Variants in UNC13B observed in about 807,000 individuals in gnomAD.
UNC13B encodes protein unc-13 homolog B.
Under a neutral mutation model 211.0 loss-of-function variants are expected in UNC13B, and 144 were observed. The observed-to-expected ratio is 0.68, with a 90% CI of 0.60 to 0.78. UNC13B has a LOEUF of 0.78. Ranked by LOEUF, UNC13B falls within the 30% of genes least tolerant of loss-of-function variation. UNC13B has a pLI of 0.00. For missense variants in UNC13B, 1,777 were observed against 2,002.0 expected, an observed-to-expected ratio of 0.89 and a Z score of 2.14; for synonymous variants, 709 against 725.8, an observed-to-expected ratio of 0.98 and a Z score of 0.37.
At chr9:35,327,114 T>C (rs968016400) in intron 11 of UNC13B, among the ~76,000 whole-genome samples, 2 of 152,184 alleles carry the variant, frequency 1.3e-5, no homozygotes, top group African/African-American at 2.4e-5. Context: ...TCTGGGGAAA[T>C]TGGCCACAGC....
chr9:35,381,398 G>A (rs1834826369), intron 19 of UNC13B, among the ~76,000 whole-genome samples, 158 bp from the exon 20 acceptor site: 2 of 152,210 alleles, frequency 1.3e-5, no homozygotes, highest in Admixed American at 1.3e-4. Context: ...ACTAATGTGA[G>A]AACAGCCTAC....
At chr9:35,266,588 C>G (rs977994069) in intron 7 of UNC13B, among the ~76,000 whole-genome samples, 2 of 152,120 alleles carry the variant, frequency 1.3e-5, no homozygotes, top group African/African-American at 4.8e-5. Context: ...GTTACTCTAG[C>G]CCCAGTTATT....
chr9:35,230,716 T>C (rs1825151571), intron 2 of UNC13B, among the ~76,000 whole-genome samples: 2 of 152,074 alleles, frequency 1.3e-5, no homozygotes, highest in African/African-American at 2.4e-5. Context: ...TTTGGATTTT[T>C]CCCCCCAGAT....
rs1587564967 is a variant in UNC13B, at chr9:35,297,561, T to TTTTG, written c.761+1634_761+1635insGTTT. Among the ~76,000 whole-genome samples, 2 of 128,164 alleles carry TTTTG rather than the reference T, an allele frequency of 1.6e-5. 1 individual carries two copies. Among genetic ancestry groups the TTTTG allele is most frequent in the East Asian group, 4.2e-4 (2 of 4,762 alleles). 84.1% of individuals were successfully genotyped at this position (128,164 alleles called of 152,430 possible). ...ACATACTTTGTCTTTTTTTTTTTTTTTTTTTTGAGACGGAGTCTCGCTCTT... is the reference window on the plus strand; with the variant it reads ...ACATACTTTGTCTTTTTTTTTTTTTTTTTGTTTTTTGAGACGGAGTCTCGCTCTT... On this transcript the variant is annotated intron_variant, in intron 8 of 39. Coordinates refer to ENST00000635942, the MANE Select transcript of UNC13B (RefSeq NM_001371189.2).
intron 7 of UNC13B, among the ~76,000 whole-genome samples, chr9:35,287,073 T>C (rs1349115887): frequency 6.6e-6 from 1 of 152,156 alleles, no homozygotes; most frequent in Non-Finnish European, 1.5e-5. Context: ...GAACTTGTTA[T>C]AAGTTATCAT....
intron 1 of UNC13B, among the ~76,000 whole-genome samples, chr9:35,218,106 C>G (rs1238076050): frequency 6.6e-6 from 1 of 151,968 alleles, no homozygotes; most frequent in African/African-American, 2.4e-5. Context: ...TTTTTACTTT[C>G]TATTATATAT....
chr9:35,393,289 G>A (rs1382774635), intron 26 of UNC13B, among the ~76,000 whole-genome samples: 1 of 152,146 alleles, frequency 6.6e-6, no homozygotes, highest in African/African-American at 2.4e-5. Context: ...CTTCCTGGAG[G>A]AGGTGATGTA....
chr9:35,314,477 T>A (rs2131878327), intron 11 of UNC13B, among the ~76,000 whole-genome samples: 1 of 152,286 alleles, frequency 6.6e-6, no homozygotes, highest in Non-Finnish European at 1.5e-5. Flanking sequence ...TATTTTTCAT[T>A]TTCAGTGTTA....
chr9:35,230,845 T>G (rs1440638151), intron 2 of UNC13B, among the ~76,000 whole-genome samples: 1 of 152,168 alleles, frequency 6.6e-6, no homozygotes, highest in Non-Finnish European at 1.5e-5. Flanking sequence ...TGTTTCAGTT[T>G]GAGTGTGTGT....
In UNC13B at chr9:35,382,404, C is replaced by T; in HGVS notation, c.10703C>T (p.Ala3568Val). The change falls in exon 21 of 40, where the codon GCA becomes GTA. Residue 3568 changes from alanine (A) to valine (V), a missense_variant. Ala to Val is a moderately conservative substitution (Grantham distance 64). Transcript: ENST00000635942. ...AAGTACATGTGTCCTGGTGTGCCAG[C>T]AGTGATGAGCACCTTACTGGCCAAC... ...SSKYMCPGVP[A>V]VMSTLLANIN... 1 of 1,614,068 alleles carries T rather than the reference C, an allele frequency of 6.2e-7. No homozygotes were observed. The highest frequency in any genetic ancestry group is 8.5e-7 in the Non-Finnish European group (1 of 1,180,044).
chr9:35,343,458 G>A (rs1428443563), intron 11 of UNC13B, among the ~76,000 whole-genome samples: 3 of 152,184 alleles, frequency 2.0e-5, no homozygotes, highest in Non-Finnish European at 4.4e-5. Context: ...GTTTTCTGCA[G>A]AGTATTGGAA....
intron 4 of UNC13B, among the ~76,000 whole-genome samples, chr9:35,236,791 A>G (rs1317009713): frequency 6.6e-6 from 1 of 152,156 alleles, no homozygotes; most frequent in East Asian, 1.9e-4. Context: ...GTGTCCTGTG[A>G]CAACTCACAG....
chr9:35,398,600 T>C lies in UNC13B; in HGVS notation c.11879T>C (p.Leu3960Pro), dbSNP rs758131689. ...ADSLKELQVKLNTVLDELSMV... is the reference protein window; with the variant it reads ...ADSLKELQVKPNTVLDELSMV... ...AGTCTGAAGGAGCTGCAGGTGAAAC[T>C]GAATACGGTTCTGGATGAGCTCAGC... Residue 3960 changes from leucine to proline, a missense_variant, in exon 32 of 40, where the codon CTG (leucine) becomes CCG (proline). Transcript: ENST00000635942. 1.2e-6 allele frequency: 2 copies of C among 1,614,034 alleles called. No individual in the cohort carries two copies. The highest frequency in any genetic ancestry group is 1.7e-6 in the Non-Finnish European group (2 of 1,180,030).
At chr9:35,194,216 G>A (rs758171737) in intron 1 of UNC13B, among the ~76,000 whole-genome samples, 3 of 152,128 alleles carry the variant, frequency 2.0e-5, no homozygotes, top group East Asian at 1.9e-4. Context: ...CCCCTACAAC[G>A]TTTCCTGATC....
At position 35,303,077 on chromosome 9, in the gene UNC13B, G is replaced by C; in HGVS notation, c.3673G>C (p.Val1225Leu). Residue 1225 changes from valine to leucine, a missense_variant, in exon 9 of 40, where the codon GTC (valine) becomes CTC (leucine). By Grantham distance (32) the Val-to-Leu change is conservative. Transcript: ENST00000635942. ...AGATAACCATTTATCCTTGGATGAGGTCCCTGCTACTTCATGTGTGACTTC... is the reference window on the plus strand; with the variant it reads ...AGATAACCATTTATCCTTGGATGAGCTCCCTGCTACTTCATGTGTGACTTC... The part of the protein sequence containing the change: ...NGDNHLSLDE[V>L]PATSCVTSEN... 1 of 398,682 alleles carries C rather than the reference G, an allele frequency of 2.5e-6. No homozygotes were observed. The highest frequency in any genetic ancestry group is 4.4e-6 in the Non-Finnish European group (1 of 225,798). 24.7% of individuals were successfully genotyped at this position (398,682 alleles called of 1,614,324 possible).
rs372544353 is a variant in UNC13B, at chr9:35,216,828, T to G, written c.23-11187T>G. On this transcript the variant is annotated intron_variant, in intron 1 of 39. Transcript: ENST00000635942. Reference sequence around the variant, plus strand: ...CACACAAATTTAAAGACAGTTGGCATATTGGATATAAAAACATAATCCAAC... The same window carrying G: ...CACACAAATTTAAAGACAGTTGGCAGATTGGATATAAAAACATAATCCAAC... Among the ~76,000 whole-genome samples the G allele has an allele frequency of 7.7e-4, 117 of 152,340 alleles. 2 individuals carry two copies. The South Asian group carries it at 0.019, about 25-fold the overall frequency.
chr9:35,393,306 G>A (rs756062325), intron 26 of UNC13B, among the ~76,000 whole-genome samples: 13 of 152,234 alleles, frequency 8.5e-5, no homozygotes, highest in Admixed American at 1.3e-4. Flanking sequence ...TGTACAAGCC[G>A]AAACCTGAAG....
At chr9:35,180,784 C>A (rs1023310536) in intron 1 of UNC13B, among the ~76,000 whole-genome samples, 5 of 151,922 alleles carry the variant, frequency 3.3e-5, no homozygotes, top group Admixed American at 2.0e-4. Flanking sequence ...AAGTGGGTGA[C>A]CAGCGTTAGG....
intron 11 of UNC13B, among the ~76,000 whole-genome samples, chr9:35,342,794 A>G (rs1211984851): frequency 6.6e-6 from 1 of 152,152 alleles, no homozygotes; most frequent in East Asian, 1.9e-4. Context: ...TACATATATA[A>G]TCCATCCCTT....
Sources: allele counts gnomAD v4.1 joint callset (sites outside exome capture counted in the v4.1 genomes callset), GRCh38; gene constraint gnomAD v4.1.1; transcripts MANE v1.5; gene names NCBI Gene and HGNC (gene_info 2026-07-23, HGNC 2026-07-21).